NUBP1: variants seen among roughly 807,000 people sequenced by gnomAD.
NUBP1 encodes the protein NUBP iron-sulfur cluster assembly factor 1, cytosolic, also known as cytosolic Fe-S cluster assembly factor NUBP1.
In NUBP1, 46 loss-of-function variants were observed where a neutral mutation model predicts 41.8. That is an observed-to-expected ratio of 1.10 (90% CI 0.87 to 1.41). The LOEUF is 1.41. NUBP1 is among the 40% of genes most tolerant of loss of function. The pLI, the probability that NUBP1 is intolerant of heterozygous loss-of-function variation, is 0.00. For missense variants in NUBP1, 494 were observed against 414.0 expected (o/e 1.19, Z -1.68); for synonymous variants, 189 against 154.6 (o/e 1.22, Z -1.65).
rs1388686378 is a variant in NUBP1 at position 10,768,032 on chromosome 16, AG to A, written c.904+1del. 1.2e-5 allele frequency: 19 copies of A among 1,613,684 alleles called. No homozygotes were observed. The Admixed American group carries it at 2.2e-4, about 18-fold the overall frequency. ...GTTAGCCTACAGAAGTATAATTCAGAGTAAGTATTTCCATGAGTACTAAATG... is the reference window on the plus strand; with the variant it reads ...GTTAGCCTACAGAAGTATAATTCAGATAAGTATTTCCATGAGTACTAAATG... On this transcript the variant is annotated splice_donor_variant, in intron 10 of 10. Coordinates refer to ENST00000283027, the MANE Select transcript of NUBP1 (RefSeq NM_002484.4). LOFTEE classifies it high-confidence loss of function. This position sits in a 1 kb window ranked among gnomAD's most constrained non-coding sequence, Gnocchi z 4.3.
Position 10,761,382 on chromosome 16 carries a change from G to A in NUBP1, c.625G>A (p.Val209Ile). 3.1e-6 allele frequency: 5 copies of A among 1,614,064 alleles called. No individual in the cohort carries two copies. Among genetic ancestry groups the A allele is most frequent in the Non-Finnish European group, 4.2e-6 (5 of 1,179,944 alleles). Residue 209 changes from valine (V) to isoleucine (I), a missense_variant, in exon 8 of 11, where the codon GTC (valine) becomes ATC (isoleucine). By Grantham distance (29) the Val-to-Ile change is conservative (BLOSUM62 3). Coordinates refer to ENST00000283027, the MANE Select transcript of NUBP1 (RefSeq NM_002484.4). The stretch of plus-strand genomic sequence containing the variant: ...TTCGTAGGAGGTGTCACTCCAGGAT[G>A]TCCGGAAAGAAATCAACTTCTGCCG... ...TTPQEVSLQD[V>I]RKEINFCRKV...
intron 2 of NUBP1, 62 bp downstream of exon 2, chr16:10,744,127 TGGGAGGGAGG>T: frequency 1.2e-6 from 1 of 841,508 alleles, no homozygotes; most frequent in Non-Finnish European, 1.5e-6. Context: ...AGGCGGGGCG[TGGGAGGGAGG>T]GGGCGGGATC....
rs1220429718 is a variant in NUBP1 at position 10,757,994 on chromosome 16, C to T, written c.573C>T (p.His191=). The change falls in exon 7 of 11, where the codon CAC becomes CAT. Residue 191 remains histidine, a synonymous_variant. Coordinates refer to ENST00000283027, the MANE Select transcript of NUBP1 (RefSeq NM_002484.4). The surrounding 1 kb of genome is among the most constrained non-coding windows in gnomAD (Gnocchi z 4.1). ...TCGTCCGGTACCTGGCCACAGCACA[C>T]ATCGATGGAGCAGTGATCATCACCA... ...LSVVRYLATA[H]IDGAVIITTP... 4 of 1,613,992 alleles carry T rather than the reference C, an allele frequency of 2.5e-6. No homozygotes were observed. Among genetic ancestry groups the T allele is most frequent in the African/African-American group, 2.7e-5 (2 of 74,916 alleles).
chr16:10,767,734 A>G lies in NUBP1; in HGVS notation c.821-215A>G. ...CTGGAACCTGCATTTTCTGTACACC[A>G]CCTGATTATTTAGCCACGCTGAAAT... On this transcript the variant is annotated intron_variant, in intron 9 of 10. Transcript: ENST00000283027. The surrounding 1 kb of genome is among the most constrained non-coding windows in gnomAD (Gnocchi z 4.6). 4 of 580,010 alleles carry G rather than the reference A, an allele frequency of 6.9e-6. No individual in the cohort carries two copies. Among genetic ancestry groups the G allele is most frequent in the African/African-American group, 1.9e-5 (1 of 53,444 alleles). 35.9% of individuals were successfully genotyped at this position (580,010 alleles called of 1,614,324 possible). A position where few individuals can be genotyped will look rare whatever the true frequency, so the allele number is the denominator to read the frequency against.
chr16:10,744,169 A>C (rs758237441), intron 2 of NUBP1, 104 bp downstream of exon 2: 14 of 1,098,390 alleles, frequency 1.3e-5, no homozygotes, highest in Admixed American at 6.4e-5. Context: ...TGACAGCGGC[A>C]GGCTAGAAGG....
chr16:10,744,780 C>CA (rs541837205), intron 2 of NUBP1, among the ~76,000 whole-genome samples: 256 of 151,068 alleles, frequency 1.7e-3, no homozygotes, highest in African/African-American at 5.9e-3. Context: ...TTTTTTTAGA[C>CA]AGAGTCTTGC....
intron 3 of NUBP1, among the ~76,000 whole-genome samples, chr16:10,750,814 G>A (rs183691649): frequency 6.6e-6 from 1 of 152,324 alleles, no homozygotes; most frequent in Admixed American, 6.5e-5. Context: ...GCAGTTTGGG[G>A]TGCTGAGTAA....
intron 3 of NUBP1, among the ~76,000 whole-genome samples, chr16:10,750,051 A>C (rs1900247936): frequency 6.6e-6 from 1 of 152,178 alleles, no homozygotes; most frequent in Non-Finnish European, 1.5e-5. Context: ...AAAAAAAGTT[A>C]GCCAGGTGTG....
At chr16:10,762,155 A>G (rs965456808) in intron 9 of NUBP1, 1 of 262,800 alleles carries the variant, frequency 3.8e-6, no homozygotes, top group Non-Finnish European at 7.3e-6. Context: ...GGCACCCGAT[A>G]GAGGGGCGGC....
At chr16:10,756,262 C>G (rs914801588) in intron 5 of NUBP1, among the ~76,000 whole-genome samples, 35 of 152,298 alleles carry the variant, frequency 2.3e-4, no homozygotes, top group African/African-American at 7.5e-4. Context: ...GCCTGTAACA[C>G]TGGCTACTCG....
At position 10,768,058 on chromosome 16, in the gene NUBP1, G is replaced by A. The variant is rs929615014; in HGVS notation, c.904+26G>A. The A allele has an allele frequency of 1.7e-5, 27 of 1,602,298 alleles. No individual in the cohort carries two copies. The highest frequency in any genetic ancestry group is 2.7e-5 in the African/African-American group (2 of 74,610). On this transcript the variant is annotated intron_variant, in intron 10 of 10. Coordinates refer to ENST00000283027, the MANE Select transcript of NUBP1 (RefSeq NM_002484.4). The surrounding 1 kb of genome is among the most constrained non-coding windows in gnomAD (Gnocchi z 4.3). ...GTAAGTATTTCCATGAGTACTAAAT[G>A]CAGATGCCTGTGGGGCAGGAAGCAA... is the stretch of plus-strand genomic sequence containing the variant.
rs911978224 is a variant in NUBP1, at chr16:10,757,765, C to T, written c.452-108C>T. 8.5e-6 allele frequency: 12 copies of T among 1,405,294 alleles called. No homozygotes were observed. In the African/African-American group the frequency reaches 1.7e-4, roughly 20 times the overall value. The allele number at this position is 1,405,294 out of a possible 1,614,324, so 87.1% of individuals were successfully genotyped here. ...ATTGCTTGAGCCTCAGAGTTAAGAG[C>T]CAACCTGGGCAACATAGCAAGACCC... On this transcript the variant is annotated intron_variant, in intron 6 of 10. Transcript: ENST00000283027. This position sits in a 1 kb window ranked among gnomAD's most constrained non-coding sequence, Gnocchi z 4.1.
In NUBP1 at chr16:10,768,984, G is replaced by T; in HGVS notation, c.905-63G>T. The stretch of plus-strand genomic sequence containing the variant: ...TCAAAACACAGCCCTCCCCAGCACA[G>T]GACAGGGCTGTCAAGGGGTAGACAA... On this transcript the variant is annotated intron_variant, in intron 10 of 10. Coordinates refer to ENST00000283027, the MANE Select transcript of NUBP1 (RefSeq NM_002484.4). The surrounding 1 kb of genome is among the most constrained non-coding windows in gnomAD (Gnocchi z 4.3). 1 of 1,484,092 alleles carries T rather than the reference G, an allele frequency of 6.7e-7. No homozygotes were observed. Among genetic ancestry groups the T allele is most frequent in the South Asian group, 1.1e-5 (1 of 88,224 alleles). 91.9% of individuals were successfully genotyped at this position (1,484,092 alleles called of 1,614,324 possible).
In NUBP1 at chr16:10,761,802, A is replaced by G. The variant is rs758210238; in HGVS notation, c.763A>G (p.Met255Val). ...TCCCACAACCGGGGGCGCGGAGCTCATGTGCCAGGACTTGGAGGTCCCTCT... is the reference window on the plus strand; with the variant it reads ...TCCCACAACCGGGGGCGCGGAGCTCGTGTGCCAGGACTTGGAGGTCCCTCT... ...FPPTTGGAELMCQDLEVPLLG... is the reference protein window; with the variant it reads ...FPPTTGGAELVCQDLEVPLLG... The change falls in exon 9 of 11, where the codon ATG becomes GTG. Residue 255 changes from methionine (M) to valine (V), a missense_variant. By Grantham distance (21) the Met-to-Val change is conservative. Transcript: ENST00000283027. 3 of 1,614,014 alleles carry G rather than the reference A, an allele frequency of 1.9e-6. No individual in the cohort carries two copies. In the Admixed American group the frequency reaches 5.0e-5, roughly 27 times the overall value.
Position 10,767,807 on chromosome 16 carries a change from T to G in NUBP1, c.821-142T>G. 5 of 716,520 alleles carry G rather than the reference T, an allele frequency of 7.0e-6. No homozygotes were observed. The South Asian group carries it at 7.1e-5, about 10-fold the overall frequency. The allele number at this position is 716,520 out of a possible 1,614,324, so 44.4% of individuals were successfully genotyped here. A position where few individuals can be genotyped will look rare whatever the true frequency, so the allele number is the denominator to read the frequency against. Reference sequence around the variant, plus strand: ...AGGAAGGTCCCTGAGACCCCACTGGTCTTTTCTACTTTGTTCTTCATTACG... The same window carrying G: ...AGGAAGGTCCCTGAGACCCCACTGGGCTTTTCTACTTTGTTCTTCATTACG... On this transcript the variant is annotated intron_variant, in intron 9 of 10. Coordinates refer to ENST00000283027, the MANE Select transcript of NUBP1 (RefSeq NM_002484.4). This position sits in a 1 kb window ranked among gnomAD's most constrained non-coding sequence, Gnocchi z 4.6.
Position 10,761,893 on chromosome 16 carries a change from C to A in NUBP1, c.820+34C>A, listed in dbSNP as rs201676144. The A allele has an allele frequency of 5.3e-6, 8 of 1,521,944 alleles. No homozygotes were observed. In the South Asian group the frequency reaches 9.0e-5, roughly 17 times the overall value. The allele number at this position is 1,521,944 out of a possible 1,614,324, so 94.3% of individuals were successfully genotyped here. A position where few individuals can be genotyped will look rare whatever the true frequency, so the allele number is the denominator to read the frequency against. On this transcript the variant is annotated intron_variant, in intron 9 of 10. Transcript: ENST00000283027. Reference sequence around the variant, plus strand: ...CCCCAGTGTGGGGCGGCACCTCACTCCTCGGTCAGCCCCACAGGCACGGGT... The same window carrying A: ...CCCCAGTGTGGGGCGGCACCTCACTACTCGGTCAGCCCCACAGGCACGGGT...
chr16:10,767,204 G>A lies in NUBP1; in HGVS notation c.821-745G>A. On this transcript the variant is annotated intron_variant, in intron 9 of 10. Coordinates refer to ENST00000283027, the MANE Select transcript of NUBP1 (RefSeq NM_002484.4). The surrounding 1 kb of genome is among the most constrained non-coding windows in gnomAD (Gnocchi z 4.6). ...ATGGCAGGTCCACCCACGACTGGGG[G>A]CTGGCAGGGCAGACTGGAGGCGAGA... The A allele has an allele frequency of 2.5e-6, 1 of 399,890 alleles. No homozygotes were observed. The highest frequency in any genetic ancestry group is 3.6e-5 in the East Asian group (1 of 28,114). The allele number at this position is 399,890 out of a possible 1,614,324, so 24.8% of individuals were successfully genotyped here.
rs901202479 is a variant in NUBP1 at position 10,749,844 on chromosome 16, G to T, written c.258+2568G>T. 6.6e-6 allele frequency among the ~76,000 whole-genome samples: 1 copy of T among 152,204 alleles called. No homozygotes were observed. Among genetic ancestry groups the T allele is most frequent in the African/African-American group, 2.4e-5 (1 of 41,450 alleles). ...AAGGGCCTTGGATCAAGAGAGAGCAGAATTAGAAAACACCCCTGACGAGTC... is the reference window on the plus strand; with the variant it reads ...AAGGGCCTTGGATCAAGAGAGAGCATAATTAGAAAACACCCCTGACGAGTC... On this transcript the variant is annotated intron_variant, in intron 3 of 10. Coordinates refer to ENST00000283027, the MANE Select transcript of NUBP1 (RefSeq NM_002484.4). This position sits in a 1 kb window ranked among gnomAD's most constrained non-coding sequence, Gnocchi z 4.1.
chr16:10,755,891 G>C (rs1194502466), intron 5 of NUBP1, 138 bp downstream of exon 5: 2 of 764,272 alleles, frequency 2.6e-6, no homozygotes, highest in Non-Finnish European at 4.4e-6. Context: ...ACCAGTGATT[G>C]GCAGGCTTTT....
Sources: gnomAD v4.1 joint callset for allele counts (sites outside exome capture counted in the v4.1 genomes callset) on GRCh38, gnomAD v4.1.1 for gene constraint, Gnocchi (gnomAD v3.1) non-coding constraint, MANE v1.5 for transcripts, NCBI Gene and HGNC (gene_info 2026-07-23, HGNC 2026-07-21) for gene names.